Variants in LYPLAL1 observed in about 807,000 individuals in gnomAD.
The protein encoded by LYPLAL1 is lysophospholipase-like protein 1.
Under a neutral mutation model 19.7 loss-of-function variants are expected in LYPLAL1, and 23 were observed. The observed-to-expected ratio is 1.17, with a 90% CI of 0.84 to 1.65. LYPLAL1 has a LOEUF of 1.65. Ranked by LOEUF, LYPLAL1 falls within the 40% of genes most tolerant of loss-of-function variation. The probability of loss-of-function intolerance (pLI) is 0.00; values close to 1 mark genes in which losing one functional copy is unlikely to be tolerated. For synonymous variants in LYPLAL1, 119 were observed against 96.3 expected (o/e 1.24, Z -1.38); for missense variants, 355 against 279.4 (o/e 1.27, Z -1.93).
intron 3 of LYPLAL1, among the ~76,000 whole-genome samples, chr1:219,208,831 C>CA (rs905803523): frequency 6.6e-6 from 1 of 151,802 alleles, no homozygotes; most frequent in Non-Finnish European, 1.5e-5. Flanking sequence ...AGAATTGTGG[C>CA]AAAAAACAAT....
chr1:219,259,683 G>C, the LYPLAL1 span, among the ~76,000 whole-genome samples: 1 of 151,252 alleles, frequency 6.6e-6, no homozygotes, highest in Non-Finnish European at 1.5e-5. Context: ...TATACCCTGG[G>C]TATAGGGTAC....
At chr1:219,398,037 C>G in the LYPLAL1 span, among the ~76,000 whole-genome samples, 1 of 152,138 alleles carries the variant, frequency 6.6e-6, no homozygotes, top group South Asian at 2.1e-4. Context: ...TCTTGGGGAT[C>G]ATCTTCTTGT....
the LYPLAL1 span, among the ~76,000 whole-genome samples, chr1:219,391,651 T>G: frequency 6.6e-6 from 1 of 152,316 alleles, no homozygotes; most frequent in South Asian, 2.1e-4. Context: ...AAGATTTTTT[T>G]AAGAGTTCTG....
intron 3 of LYPLAL1, among the ~76,000 whole-genome samples, chr1:219,205,428 A>G (rs1658495797): frequency 6.6e-6 from 1 of 152,076 alleles, no homozygotes; most frequent in African/African-American, 2.4e-5. Context: ...AAAAATAATT[A>G]TAAAATTTTG....
chr1:219,324,552 C>A, the LYPLAL1 span, among the ~76,000 whole-genome samples: 1 of 152,120 alleles, frequency 6.6e-6, no homozygotes, highest in African/African-American at 2.4e-5. Flanking sequence ...ATTGGATAAC[C>A]ATGAAGCCAT....
downstream of LYPLAL1, among the ~76,000 whole-genome samples, chr1:219,217,069 A>G (rs1659315771): frequency 6.6e-6 from 1 of 152,100 alleles, no homozygotes; most frequent in African/African-American, 2.4e-5. Flanking sequence ...AGAAGACTCA[A>G]CTCATGCAGT....
chr1:219,380,662 G>A, the LYPLAL1 span, among the ~76,000 whole-genome samples: 1 of 152,222 alleles, frequency 6.6e-6, no homozygotes, highest in Non-Finnish European at 1.5e-5. Flanking sequence ...TCTGAGCATT[G>A]CACAATGGTC....
chr1:219,321,490 G>A, the LYPLAL1 span, among the ~76,000 whole-genome samples: 2 of 152,078 alleles, frequency 1.3e-5, no homozygotes, highest in African/African-American at 4.8e-5. Context: ...CATTGCTTTT[G>A]GTGTTTTAGA....
At chr1:219,216,868 G>T (rs1232501986), downstream of LYPLAL1, among the ~76,000 whole-genome samples, 1 of 152,078 alleles carries the variant, frequency 6.6e-6, no homozygotes, top group Non-Finnish European at 1.5e-5. Context: ...TACCTCATTT[G>T]TCTTCCTTTC....
the LYPLAL1 span, among the ~76,000 whole-genome samples, chr1:219,440,610 A>G: frequency 6.6e-6 from 1 of 152,194 alleles, no homozygotes; most frequent in African/African-American, 2.4e-5. Context: ...TTAGTTAATA[A>G]TGGCTATAGA....
the LYPLAL1 span, among the ~76,000 whole-genome samples, chr1:219,280,035 C>G: frequency 6.6e-6 from 1 of 152,254 alleles, no homozygotes; most frequent in Non-Finnish European, 1.5e-5. Context: ...TTGTTTCACC[C>G]AGATGAGGTG....
At chr1:219,226,754 C>T in the LYPLAL1 span, among the ~76,000 whole-genome samples, 1 of 152,028 alleles carries the variant, frequency 6.6e-6, no homozygotes, top group Non-Finnish European at 1.5e-5. Flanking sequence ...AACTATTTTG[C>T]CTCATTTTCT....
At chr1:219,392,109 G>A in the LYPLAL1 span, among the ~76,000 whole-genome samples, 6 of 152,080 alleles carry the variant, frequency 3.9e-5, no homozygotes, top group Non-Finnish European at 4.4e-5. Flanking sequence ...CCCCTGTTTG[G>A]GGTCATCTGT....
the LYPLAL1 span, among the ~76,000 whole-genome samples, chr1:219,426,100 TG>T: frequency 5.7e-4 from 87 of 152,322 alleles, no homozygotes; most frequent in South Asian, 3.9e-3. Context: ...AACTGACAAC[TG>T]AGTCTTATAA....
the LYPLAL1 span, among the ~76,000 whole-genome samples, chr1:219,241,444 A>AATT: frequency 6.6e-6 from 1 of 152,124 alleles, no homozygotes; most frequent in East Asian, 1.9e-4. Flanking sequence ...TAAAAGCCTG[A>AATT]ATAATACAGC....
chr1:219,347,809 A>G, the LYPLAL1 span, among the ~76,000 whole-genome samples: 1 of 152,012 alleles, frequency 6.6e-6, no homozygotes, highest in Admixed American at 6.6e-5. Context: ...GGGTGCATGA[A>G]GCATATTTTC....
chr1:219,362,743 A>G, the LYPLAL1 span, among the ~76,000 whole-genome samples: 1 of 152,074 alleles, frequency 6.6e-6, no homozygotes, highest in Non-Finnish European at 1.5e-5. Context: ...CCTGGTGAAA[A>G]AGCTAAGTTT....
the LYPLAL1 span, among the ~76,000 whole-genome samples, chr1:219,386,974 C>G: frequency 6.6e-6 from 1 of 152,182 alleles, no homozygotes; most frequent in Non-Finnish European, 1.5e-5. Flanking sequence ...ATCCCCTAAT[C>G]CACTATTTTA....
At chr1:219,180,765 C>T (rs954506188) in intron 2 of LYPLAL1, among the ~76,000 whole-genome samples, 1 of 152,090 alleles carries the variant, frequency 6.6e-6, no homozygotes, top group African/African-American at 2.4e-5. Flanking sequence ...TATTTTTTAT[C>T]TTAAGAATTT....
Sources: allele counts gnomAD v4.1 joint callset (sites outside exome capture counted in the v4.1 genomes callset), GRCh38; gene constraint gnomAD v4.1.1; transcripts MANE v1.5; gene names NCBI Gene and HGNC (gene_info 2026-07-23, HGNC 2026-07-21).